The following ZFC3H1 variants were observed in gnomAD, a reference collection of about 807,000 sequenced individuals.
The protein encoded by ZFC3H1 is zinc finger C3H1 domain-containing protein.
Under a neutral mutation model 243.7 loss-of-function variants are expected in ZFC3H1, and 71 were observed. That is an observed-to-expected ratio of 0.29 (90% CI 0.24 to 0.36). ZFC3H1 has a LOEUF of 0.36. ZFC3H1 is among the 10% of genes least tolerant of loss of function. The probability of loss-of-function intolerance (pLI) is 1.00; values close to 1 mark genes in which losing one functional copy is unlikely to be tolerated. For missense variants in ZFC3H1, 1,966 were observed against 2,317.1 expected (o/e 0.85, Z 3.11); for synonymous variants, 838 against 813.0 (o/e 1.03, Z -0.52).
At chr12:71,654,014 AAAAC>A (rs1565828055) in intron 2 of ZFC3H1, among the ~76,000 whole-genome samples, 2 of 152,216 alleles carry the variant, frequency 1.3e-5, no homozygotes, top group African/African-American at 2.4e-5. Flanking sequence ...CTTTGTCTCA[AAAAC>A]AAACAAACAA....
chr12:71,638,353 G>A (rs1378706591), intron 7 of ZFC3H1, 65 bp downstream of exon 7: 28 of 1,504,626 alleles, frequency 1.9e-5, no homozygotes, highest in Admixed American at 4.1e-5. Context: ...CTAACCATTC[G>A]TTTTTAAAAA....
At chr12:71,636,465 A>T (rs767081211) in intron 9 of ZFC3H1, 25 bp downstream of exon 9, 2 of 1,587,454 alleles carry the variant, frequency 1.3e-6, no homozygotes, top group Admixed American at 3.7e-5. Context: ...TTTGAATAAA[A>T]GTAGCATTAA....
At chr12:71,660,693 A>G (rs1881145770) in intron 1 of ZFC3H1, among the ~76,000 whole-genome samples, 1 of 152,172 alleles carries the variant, frequency 6.6e-6, no homozygotes, top group Non-Finnish European at 1.5e-5. Flanking sequence ...AAATTTTAAG[A>G]AAAACCTTTG....
chr12:71,627,021 A>G (rs1421134840), intron 21 of ZFC3H1, among the ~76,000 whole-genome samples: 3 of 152,218 alleles, frequency 2.0e-5, no homozygotes, highest in Non-Finnish European at 4.4e-5. Flanking sequence ...GACACACAGG[A>G]AAGTTAAATA....
At chr12:71,614,782 T>C in intron 29 of ZFC3H1, 52 bp downstream of exon 29, 1 of 1,598,346 alleles carries the variant, frequency 6.3e-7, no homozygotes. Context: ...CCTTTCCCGA[T>C]CATACCCCTT....
chr12:71,652,223 T>C (rs1182077947), intron 2 of ZFC3H1, among the ~76,000 whole-genome samples: 1 of 152,182 alleles, frequency 6.6e-6, no homozygotes, highest in Non-Finnish European at 1.5e-5. Context: ...TCAGATGACA[T>C]TTTAGTTCCT....
Position 71,657,318 on chromosome 12 carries a change from G to A in ZFC3H1, c.599-17C>T. 4 of 1,439,896 alleles carry A rather than the reference G, an allele frequency of 2.8e-6. No individual in the cohort carries two copies. Among genetic ancestry groups the A allele is most frequent in the Admixed American group, 2.7e-5 (1 of 37,668 alleles). 89.2% of individuals were successfully genotyped at this position (1,439,896 alleles called of 1,614,324 possible). A position where few individuals can be genotyped will look rare whatever the true frequency, so the allele number is the denominator to read the frequency against. ...AACTTTTGGCTGAACAGCATATTAA[G>A]GAAACCAGTTTCCAAAAATTTTCCA... On this transcript the variant is annotated splice_polypyrimidine_tract_variant and intron_variant, in intron 1 of 34. Transcript: ENST00000378743.
chr12:71,636,559 T>C lies in ZFC3H1; in HGVS notation c.2031A>G (p.Thr677=). Residue 677 remains threonine (T), a synonymous_variant, in exon 9 of 35, where the codon ACA becomes ACG. Coordinates refer to ENST00000378743, the MANE Select transcript of ZFC3H1 (RefSeq NM_144982.5). ...GATTCTGTATCCTAGGCTGAGACACTGTGTTAATACTGACTATTGATAGAT... is the reference window on the plus strand; with the variant it reads ...GATTCTGTATCCTAGGCTGAGACACCGTGTTAATACTGACTATTGATAGAT... ...RSNLSIVSIN[T]VSQPRIQNPK... The C allele has an allele frequency of 1.2e-6, 2 of 1,611,178 alleles. No homozygotes were observed. The highest frequency in any genetic ancestry group is 1.7e-6 in the Non-Finnish European group (2 of 1,178,404).
intron 2 of ZFC3H1, among the ~76,000 whole-genome samples, chr12:71,654,864 A>G (rs1388340360): frequency 2.0e-5 from 3 of 152,190 alleles, no homozygotes; most frequent in Admixed American, 2.0e-4. Flanking sequence ...AAGAGTGGGA[A>G]ATTATATAAA....
rs141522421 is a variant in ZFC3H1 at position 71,626,689 on chromosome 12, A to G, written c.4131-243T>C. Among the ~76,000 whole-genome samples the G allele has an allele frequency of 2.5e-4, 38 of 152,330 alleles. No individual in the cohort carries two copies. In the Middle Eastern group the frequency reaches 0.017, roughly 68 times the overall value. ...GTTCAGTAAGCATTTACCACAGATA[A>G]AAGTACAGTGTTATAAAACCACTAA... On this transcript the variant is annotated intron_variant, in intron 21 of 34. Coordinates refer to ENST00000378743, the MANE Select transcript of ZFC3H1 (RefSeq NM_144982.5).
At position 71,614,893 on chromosome 12, in the gene ZFC3H1, T is replaced by C; in HGVS notation, c.5301A>G (p.Ala1767=). 2 of 1,613,984 alleles carry C rather than the reference T, an allele frequency of 1.2e-6. No homozygotes were observed. Among genetic ancestry groups the C allele is most frequent in the Non-Finnish European group, 1.7e-6 (2 of 1,179,880 alleles). The stretch of plus-strand genomic sequence containing the variant: ...TAGCCACCCCTAATGCTGCCTCATA[T>C]GCCTCCACTGTTTCTTTAATACTTG... The part of the protein sequence containing the change: ...LQSSIKETVE[A]YEAALGVAMR... The change falls in exon 29 of 35, where the codon GCA becomes GCG. Residue 1767 remains alanine (A), a synonymous_variant. Transcript: ENST00000378743.
intron 1 of ZFC3H1, among the ~76,000 whole-genome samples, chr12:71,661,634 A>C (rs1255459415): frequency 6.6e-6 from 1 of 151,810 alleles, no homozygotes; most frequent in Non-Finnish European, 1.5e-5. Context: ...AGCACCCAAC[A>C]CCACGCCTGG....
At position 71,657,094 on chromosome 12, in the gene ZFC3H1, T is replaced by G; in HGVS notation, c.806A>C (p.Gln269Pro). Residue 269 changes from glutamine (Q) to proline (P), a missense_variant, in exon 2 of 35, where the codon CAA becomes CCA. Around this residue, in one of 4 missense-constraint regions of ZFC3H1, gnomAD observed 484 missense variants for 449.7 expected, o/e 1.08. Transcript: ENST00000378743. ...EDPKTLNFED[Q>P]TSTDNVSITK... ...AATACTGACATTATCAGTGCTAGTT[T>G]GGTCCTCGAAGTTCAATGTTTTAGG... 1.2e-6 allele frequency: 2 copies of G among 1,614,000 alleles called. No individual in the cohort carries two copies. The highest frequency in any genetic ancestry group is 2.2e-5 in the South Asian group (2 of 91,080).
intron 1 of ZFC3H1, among the ~76,000 whole-genome samples, chr12:71,661,931 A>G (rs897297032): frequency 5.9e-5 from 9 of 152,230 alleles, no homozygotes; most frequent in African/African-American, 2.2e-4. Flanking sequence ...ACATTTGAGA[A>G]AGACCTATTC....
intron 22 of ZFC3H1, among the ~76,000 whole-genome samples, chr12:71,625,438 T>A (rs1224739658): frequency 1.3e-5 from 2 of 152,160 alleles, no homozygotes; most frequent in Non-Finnish European, 2.9e-5. Context: ...ACATCTATAG[T>A]CCCAGCACTT....
intron 14 of ZFC3H1, 25 bp downstream of exon 14, chr12:71,632,861 T>C (rs1164633397): frequency 6.2e-7 from 1 of 1,602,742 alleles, no homozygotes; most frequent in Non-Finnish European, 8.5e-7. Context: ...TTTCCAAAAG[T>C]AAAATATTTC....
rs759724566 is a variant in ZFC3H1 at position 71,635,423 on chromosome 12, C to T, written c.2238+20G>A. The T allele has an allele frequency of 5.8e-6, 9 of 1,556,900 alleles. No individual in the cohort carries two copies. In the Admixed American group the frequency reaches 1.3e-4, roughly 23 times the overall value. ...CATCAAAAGGTCATCTTTCTTTCCA[C>T]CTTTAATTATTGCACTTACCTCAGC... On this transcript the variant is annotated intron_variant, in intron 10 of 34. Transcript: ENST00000378743.
At position 71,631,814 on chromosome 12, in the gene ZFC3H1, G is replaced by A; in HGVS notation, c.3434C>T (p.Pro1145Leu). The A allele has an allele frequency of 6.2e-7, 1 of 1,613,512 alleles. No individual in the cohort carries two copies. The highest frequency in any genetic ancestry group is 8.5e-7 in the Non-Finnish European group (1 of 1,179,692). ...AAAAACTAGAAGAGGACTATGGTAGGGTCTAAAAGGACATGGCTTCACTTC... is the reference window on the plus strand; with the variant it reads ...AAAAACTAGAAGAGGACTATGGTAGAGTCTAAAAGGACATGGCTTCACTTC... The part of the protein sequence containing the change: ...TMEVKPCPFR[P>L]YHSPLLVFKS... The change falls in exon 16 of 35, where the codon CCC (proline) becomes CTC (leucine). Residue 1145 changes from proline to leucine, a missense_variant. Transcript: ENST00000378743.
At chr12:71,658,066 T>C (rs1046317594) in intron 1 of ZFC3H1, among the ~76,000 whole-genome samples, 1 of 152,022 alleles carries the variant, frequency 6.6e-6, no homozygotes, top group Non-Finnish European at 1.5e-5. Context: ...AGGGAAAATG[T>C]TATGAAAATA....
Sources: allele counts gnomAD v4.1 joint callset (sites outside exome capture counted in the v4.1 genomes callset), GRCh38; gene constraint gnomAD v4.1.1; regional missense constraint gnomAD v4.1.1; transcripts MANE v1.5; gene names NCBI Gene and HGNC (gene_info 2026-07-23, HGNC 2026-07-21).